TSHZ1: variants seen among roughly 807,000 people sequenced by gnomAD.
The protein encoded by TSHZ1 is teashirt zinc finger homeobox 1, also known as teashirt homolog 1.
TSHZ1 carries 12 observed loss-of-function variants against 67.1 expected under a neutral mutation model. That is an observed-to-expected ratio of 0.18 (90% CI 0.11 to 0.29). The LOEUF is 0.29. Among genes scored for constraint, TSHZ1 ranks in the 10% least tolerant of loss-of-function variants. The pLI is 1.00. For missense variants in TSHZ1, 1,305 were observed against 1,413.9 expected, an observed-to-expected ratio of 0.92 and a Z score of 1.23; for synonymous variants, 632 against 622.4, an observed-to-expected ratio of 1.02 and a Z score of -0.23.
At position 75,281,230 on chromosome 18, in the gene TSHZ1, G is replaced by A. The variant is rs897278142; in HGVS notation, c.41-4218G>A. 5.9e-5 allele frequency among the ~76,000 whole-genome samples: 9 copies of A among 152,222 alleles called. No individual in the cohort carries two copies. Among genetic ancestry groups the A allele is most frequent in the African/African-American group, 2.2e-4 (9 of 41,460 alleles). ...AGCTGGTCATCAGTGCGGGGGGCCA[G>A]TTTGGATGCGGGGCCTGAGGACCAG... On this transcript the variant is annotated intron_variant, in intron 1 of 1. Coordinates refer to ENST00000580243, the MANE Select transcript of TSHZ1 (RefSeq NM_001308210.2). The surrounding 1 kb of genome is among the most constrained non-coding windows in gnomAD (Gnocchi z 5.3).
intron 1 of TSHZ1, among the ~76,000 whole-genome samples, chr18:75,272,489 T>C (rs765875517): frequency 2.0e-5 from 3 of 152,264 alleles, no homozygotes; most frequent in Non-Finnish European, 4.4e-5. Flanking sequence ...GAACTGGTAT[T>C]TTCCTCATTT....
rs146612656 is a variant in TSHZ1, at chr18:75,275,126, A to G, written c.41-10322A>G. Among the ~76,000 whole-genome samples, 145 of 152,308 alleles carry G rather than the reference A, an allele frequency of 9.5e-4. 1 individual carries two copies. The highest frequency in any genetic ancestry group is 3.4e-3 in the African/African-American group (142 of 41,566). Reference sequence around the variant, plus strand: ...GCCACTTGCCTACATCCATGCCGCGACGGCCTAGAGGCTGGCATTCCCATT... The same window carrying G: ...GCCACTTGCCTACATCCATGCCGCGGCGGCCTAGAGGCTGGCATTCCCATT... On this transcript the variant is annotated intron_variant, in intron 1 of 1. Transcript: ENST00000580243.
intron 1 of TSHZ1, among the ~76,000 whole-genome samples, chr18:75,221,927 A>G (rs2022850498): frequency 6.6e-6 from 1 of 152,114 alleles, no homozygotes; most frequent in Non-Finnish European, 1.5e-5. Flanking sequence ...ATGTATATAG[A>G]TTAATATATA....
chr18:75,260,182 C>T (rs2023413338), intron 1 of TSHZ1, among the ~76,000 whole-genome samples: 1 of 152,274 alleles, frequency 6.6e-6, no homozygotes, highest in African/African-American at 2.4e-5. Context: ...GCCTCTTAGC[C>T]TGCGGCTTCT....
intron 1 of TSHZ1, among the ~76,000 whole-genome samples, chr18:75,264,536 C>T (rs2023468312): frequency 1.3e-5 from 2 of 148,984 alleles, no homozygotes; most frequent in Non-Finnish European, 3.0e-5. Context: ...AGGGAAAGGG[C>T]TATTTAAAAG....
intron 1 of TSHZ1, among the ~76,000 whole-genome samples, chr18:75,242,754 G>A (rs1231440337): frequency 6.6e-6 from 1 of 152,190 alleles, no homozygotes; most frequent in Non-Finnish European, 1.5e-5. Context: ...AAGTGAGAGA[G>A]GGTTGGGTGA....
intron 1 of TSHZ1, among the ~76,000 whole-genome samples, chr18:75,226,682 G>A (rs2022930253): frequency 1.3e-5 from 2 of 151,596 alleles, no homozygotes; most frequent in South Asian, 4.2e-4. Flanking sequence ...CCTTTTCCCT[G>A]GAGCCATGCA....
At position 75,285,635 on chromosome 18, in the gene TSHZ1, G is replaced by A. The variant is rs1421366284; in HGVS notation, c.228G>A (p.Ser76=). Residue 76 remains serine, a synonymous_variant, in exon 2 of 2, where the codon TCG becomes TCA. Transcript: ENST00000580243. The stretch of plus-strand genomic sequence containing the variant: ...CTAACCAGGACGCCGGCTACGGGTC[G>A]CCCTTCAGTGAGAGCAGCGACCAGC... ...SATNQDAGYG[S]PFSESSDQLA... is the part of the protein sequence containing the mutation. 6.8e-6 allele frequency: 11 copies of A among 1,613,358 alleles called. No homozygotes were observed. Among genetic ancestry groups the A allele is most frequent in the Middle Eastern group, 1.6e-4 (1 of 6,082 alleles).
At chr18:75,271,282 C>T (rs1336519236) in intron 1 of TSHZ1, among the ~76,000 whole-genome samples, 2 of 152,170 alleles carry the variant, frequency 1.3e-5, no homozygotes, top group Admixed American at 6.5e-5. Flanking sequence ...CGTATCACCT[C>T]GTTAAGTGGG....
At chr18:75,266,550 A>G (rs1025818199) in intron 1 of TSHZ1, among the ~76,000 whole-genome samples, 2 of 152,252 alleles carry the variant, frequency 1.3e-5, no homozygotes, top group African/African-American at 4.8e-5. Context: ...CTCAGGAAGC[A>G]CAACAGAGGA....
rs376372721 is a variant in TSHZ1, at chr18:75,286,682, C to T, written c.1275C>T (p.His425=). The change falls in exon 2 of 2, where the codon CAC becomes CAT. Residue 425 remains histidine, a synonymous_variant. Coordinates refer to ENST00000580243, the MANE Select transcript of TSHZ1 (RefSeq NM_001308210.2). This position sits in a 1 kb window ranked among gnomAD's most constrained non-coding sequence, Gnocchi z 5.1. Reference sequence around the variant, plus strand: ...AGTGCATGGAGTGTGGCAGCTCCCACGACACGCTGCAGCAGCTCACCGCCC... The same window carrying T: ...AGTGCATGGAGTGTGGCAGCTCCCATGACACGCTGCAGCAGCTCACCGCCC... The part of the protein sequence containing the change: ...ILKCMECGSS[H]DTLQQLTAHM... The T allele has an allele frequency of 5.5e-5, 89 of 1,614,154 alleles. 1 individual carries two copies. In the Admixed American group the frequency reaches 7.5e-4, roughly 14 times the overall value.
At chr18:75,225,224 T>C (rs2022908315) in intron 1 of TSHZ1, among the ~76,000 whole-genome samples, 1 of 152,196 alleles carries the variant, frequency 6.6e-6, no homozygotes, top group South Asian at 2.1e-4. Flanking sequence ...CTCTAGGAAA[T>C]GCTTCCTCGG....
intron 1 of TSHZ1, among the ~76,000 whole-genome samples, chr18:75,237,572 G>A (rs916704904): frequency 6.6e-6 from 1 of 152,034 alleles, no homozygotes. Context: ...ATATATATGT[G>A]TGTATACATA....
intron 1 of TSHZ1, among the ~76,000 whole-genome samples, chr18:75,255,127 T>C (rs969855100): frequency 7.2e-5 from 11 of 152,316 alleles, no homozygotes; most frequent in Admixed American, 2.0e-4. Context: ...TGGAAAAAAT[T>C]TGGTTCTGTT....
intron 1 of TSHZ1, among the ~76,000 whole-genome samples, chr18:75,267,624 C>T (rs921461184): frequency 5.3e-5 from 8 of 152,146 alleles, no homozygotes; most frequent in African/African-American, 1.7e-4. Context: ...TAAGCAGGTA[C>T]TGTTAAATGA....
intron 1 of TSHZ1, among the ~76,000 whole-genome samples, chr18:75,256,413 G>C (rs1229566437): frequency 6.6e-6 from 1 of 152,202 alleles, no homozygotes; most frequent in African/African-American, 2.4e-5. Context: ...CCATGGTAGA[G>C]GGGTGTGTAT....
chr18:75,248,992 G>A (rs1217410976), intron 1 of TSHZ1, among the ~76,000 whole-genome samples: 2 of 152,204 alleles, frequency 1.3e-5, no homozygotes, highest in African/African-American at 2.4e-5. Context: ...TTCCTAACGC[G>A]GGGCCTGAGC....
intron 1 of TSHZ1, among the ~76,000 whole-genome samples, chr18:75,259,980 G>A (rs2023410295): frequency 6.6e-6 from 1 of 152,230 alleles, no homozygotes; most frequent in South Asian, 2.1e-4. Context: ...TGTGTGTGAT[G>A]TCCCAGCTCC....
chr18:75,211,994 CG>C, intron 1 of TSHZ1, 78 bp downstream of exon 1: 1 of 1,111,124 alleles, frequency 9.0e-7, no homozygotes. Context: ...GGCCGAGGTG[CG>C]GGACGTGGGC....
Sources: gnomAD v4.1 joint callset for allele counts (sites outside exome capture counted in the v4.1 genomes callset) on GRCh38, gnomAD v4.1.1 for gene constraint, Gnocchi (gnomAD v3.1) non-coding constraint, MANE v1.5 for transcripts, NCBI Gene and HGNC (gene_info 2026-07-23, HGNC 2026-07-21) for gene names.